Variants in LMO4 observed in about 807,000 individuals in gnomAD.
LMO4 encodes LIM domain transcription factor LMO4.
LMO4 carries 3 observed loss-of-function variants against 18.5 expected under a neutral mutation model. That is an observed-to-expected ratio of 0.16 (90% CI 0.07 to 0.42). LMO4 has a LOEUF of 0.42. Among genes scored for constraint, LMO4 ranks in the 10% least tolerant of loss-of-function variants. The probability of loss-of-function intolerance (pLI) is 0.99; values close to 1 mark genes in which losing one functional copy is unlikely to be tolerated. For missense variants in LMO4, 121 were observed against 219.9 expected, an observed-to-expected ratio of 0.55 and a Z score of 2.84; for synonymous variants, 100 against 88.1, an observed-to-expected ratio of 1.14 and a Z score of -0.76.
chr1:87,332,116 T>C lies in LMO4; in HGVS notation c.101T>C (p.Phe34Ser). 6.2e-7 allele frequency: 1 copy of C among 1,614,194 alleles called. No individual in the cohort carries two copies. Among genetic ancestry groups the C allele is most frequent in the Non-Finnish European group, 8.5e-7 (1 of 1,180,036 alleles). Reference sequence around the variant, plus strand: ...TGCGGGGGCAAGATTGCGGACCGCTTTCTGCTCTATGCCATGGACAGCTAT... The same window carrying C: ...TGCGGGGGCAAGATTGCGGACCGCTCTCTGCTCTATGCCATGGACAGCTAT... ...AGCGGKIADR[F>S]LLYAMDSYWH... is the part of the protein sequence containing the mutation. The change falls in exon 2 of 5, where the codon TTT becomes TCT. Residue 34 changes from phenylalanine (F) to serine (S), a missense_variant. Phe to Ser is a radical substitution (Grantham distance 155). Coordinates refer to ENST00000370544, the MANE Select transcript of LMO4 (RefSeq NM_006769.4).
At chr1:87,343,335 C>T (rs925575965) in intron 4 of LMO4, among the ~76,000 whole-genome samples, 1 of 152,118 alleles carries the variant, frequency 6.6e-6, no homozygotes, top group East Asian at 1.9e-4. Context: ...AATCTCAGGC[C>T]ACTAGTGTTC....
Position 87,340,295 on chromosome 1 carries a change from A to G in LMO4, c.489+93A>G. 5.2e-6 allele frequency: 6 copies of G among 1,164,280 alleles called. No individual in the cohort carries two copies. The South Asian group carries it at 8.2e-5, about 16-fold the overall frequency. The allele number at this position is 1,164,280 out of a possible 1,614,324, so 72.1% of individuals were successfully genotyped here. ...CAAGAGAGTTTTCTTGGGTGGTTGT[A>G]TTTTTGCATGCCCTTTTAAAGAAAT... On this transcript the variant is annotated intron_variant, in intron 4 of 4. Transcript: ENST00000370544.
chr1:87,340,082 C>G lies in LMO4; in HGVS notation c.369C>G (p.Val123=), dbSNP rs1261133305. ...GCTCTACCTGCCGGAATCGCCTGGT[C>G]CCGGGAGATCGGTTTCACTACATCA... The part of the protein sequence containing the change: ...FTCSTCRNRL[V]PGDRFHYING... Residue 123 remains valine, a synonymous_variant, in exon 4 of 5, where the codon GTC becomes GTG. Coordinates refer to ENST00000370544, the MANE Select transcript of LMO4 (RefSeq NM_006769.4). The G allele has an allele frequency of 6.2e-7, 1 of 1,614,104 alleles. No individual in the cohort carries two copies. Among genetic ancestry groups the G allele is most frequent in the South Asian group, 1.1e-5 (1 of 91,082 alleles).
Position 87,345,065 on chromosome 1 carries a change from G to C in LMO4, c.*269G>C. 1 of 376,878 alleles carries C rather than the reference G, an allele frequency of 2.7e-6. No individual in the cohort carries two copies. The highest frequency in any genetic ancestry group is 4.7e-6 in the Non-Finnish European group (1 of 211,508). 23.3% of individuals were successfully genotyped at this position (376,878 alleles called of 1,614,324 possible). On this transcript the variant is annotated 3_prime_UTR_variant, in exon 5 of 5. Coordinates refer to ENST00000370544, the MANE Select transcript of LMO4 (RefSeq NM_006769.4). ...ATCCACCAGAGGACATCTTGGGGAG[G>C]GGGAGGGAGCTGGGGGGGAGGGAAA...
intron 2 of LMO4, among the ~76,000 whole-genome samples, chr1:87,336,957 G>T (rs975387474): frequency 2.0e-5 from 3 of 151,382 alleles, no homozygotes; most frequent in Non-Finnish European, 4.4e-5. Flanking sequence ...ACTCTCCAGC[G>T]CACAGAAACG....
At chr1:87,331,934 C>T in intron 1 of LMO4, 79 bp from the exon 2 acceptor site, 2 of 1,184,924 alleles carry the variant, frequency 1.7e-6, no homozygotes, top group Non-Finnish European at 2.4e-6. Flanking sequence ...AATGGGCTTG[C>T]TCTCTCTCCG....
rs1372106082 is a variant in LMO4, at chr1:87,331,806, T to C, written c.-3-207T>C. 4 of 582,292 alleles carry C rather than the reference T, an allele frequency of 6.9e-6. No individual in the cohort carries two copies. In the East Asian group the frequency reaches 1.1e-4, roughly 16 times the overall value. 36.1% of individuals were successfully genotyped at this position (582,292 alleles called of 1,614,324 possible). ...GGAGCTCGTGGCCCCAGAACAAAGC[T>C]TGAGAAAAGTAAACAGGCGGCTGCT... On this transcript the variant is annotated intron_variant, in intron 1 of 4. Transcript: ENST00000370544.
intron 2 of LMO4, among the ~76,000 whole-genome samples, chr1:87,333,521 C>G (rs113714419): frequency 6.6e-6 from 1 of 152,142 alleles, no homozygotes; most frequent in African/African-American, 2.4e-5. Flanking sequence ...TGTAAAAGAT[C>G]CCAGTGCAGT....
At chr1:87,337,860 C>T (rs1404744192) in intron 2 of LMO4, among the ~76,000 whole-genome samples, 1 of 152,190 alleles carries the variant, frequency 6.6e-6, no homozygotes, top group Non-Finnish European at 1.5e-5. Flanking sequence ...CCCAGAGGCC[C>T]CCCAAGCTCC....
intron 2 of LMO4, among the ~76,000 whole-genome samples, chr1:87,339,002 ACATTATATAT>A (rs1332369728): frequency 6.6e-6 from 1 of 152,212 alleles, no homozygotes; most frequent in Non-Finnish European, 1.5e-5. Context: ...TAACCCATAC[ACATTATATAT>A]CAACCTGGAT....
At chr1:87,335,905 TA>T (rs1650297343) in intron 2 of LMO4, among the ~76,000 whole-genome samples, 1 of 151,964 alleles carries the variant, frequency 6.6e-6, no homozygotes, top group African/African-American at 2.4e-5. Flanking sequence ...AAAAATTAAT[TA>T]AATCGCATGC....
chr1:87,337,015 G>T (rs561540306), intron 2 of LMO4, among the ~76,000 whole-genome samples: 1 of 151,804 alleles, frequency 6.6e-6, no homozygotes, highest in African/African-American at 2.4e-5. Context: ...TTCAGAAAAA[G>T]GGTGGAATTC....
chr1:87,332,366 C>A, intron 2 of LMO4, 115 bp downstream of exon 2: 1 of 742,510 alleles, frequency 1.3e-6, no homozygotes. Context: ...GCCTTCACCT[C>A]AAAAATCTTC....
Position 87,340,184 on chromosome 1 carries a change from A to G in LMO4, c.471A>G (p.Pro157=), listed in dbSNP as rs142657223. Residue 157 remains proline, a synonymous_variant, in exon 4 of 5, where the codon CCA becomes CCG. Transcript: ENST00000370544. ...NGHLNSLQSN[P]LLPDQKVC ...ATTTGAATTCACTTCAGAGCAATCC[A>G]CTACTGCCAGACCAGAAGGTGAATA... 1.2e-4 allele frequency: 189 copies of G among 1,614,010 alleles called. No individual in the cohort carries two copies. Among genetic ancestry groups the G allele is most frequent in the Admixed American group, 3.2e-4 (19 of 59,966 alleles).
chr1:87,340,414 A>G (rs1212680635), intron 4 of LMO4, among the ~76,000 whole-genome samples: 1 of 152,232 alleles, frequency 6.6e-6, no homozygotes, highest in African/African-American at 2.4e-5. Flanking sequence ...TGACTTTGTT[A>G]TATCTGTAGC....
In LMO4 at chr1:87,348,380, T is replaced by G. The variant is rs1296031872; in HGVS notation, c.*3584T>G. ...TTAATGTTACTTATAGCTTTGTTACTAAGACTCACCTATTGTTAGTGCAGC... is the reference window on the plus strand; with the variant it reads ...TTAATGTTACTTATAGCTTTGTTACGAAGACTCACCTATTGTTAGTGCAGC... On this transcript the variant is annotated 3_prime_UTR_variant, in exon 5 of 5. Coordinates refer to ENST00000370544, the MANE Select transcript of LMO4 (RefSeq NM_006769.4). The G allele has an allele frequency of 3.8e-6, 1 of 263,266 alleles. No homozygotes were observed. Among genetic ancestry groups the G allele is most frequent in the African/African-American group, 2.2e-5 (1 of 45,654 alleles). 16.3% of individuals were successfully genotyped at this position (263,266 alleles called of 1,614,324 possible). A position where few individuals can be genotyped will look rare whatever the true frequency, so the allele number is the denominator to read the frequency against.
rs149593144 is a variant in LMO4, at chr1:87,347,219, C to G, written c.*2423C>G. On this transcript the variant is annotated 3_prime_UTR_variant, in exon 5 of 5. Transcript: ENST00000370544. ...ATCCACATGCAAGTGATGAAGCCTT[C>G]TCTTTGATGTGCTAAATTGGAGAAG... 6.6e-6 allele frequency: 1 copy of G among 152,168 alleles called. No homozygotes were observed. Among genetic ancestry groups the G allele is most frequent in the Admixed American group, 6.5e-5 (1 of 15,282 alleles). 9.4% of individuals were successfully genotyped at this position (152,168 alleles called of 1,614,324 possible).
Position 87,347,265 on chromosome 1 carries a change from T to G in LMO4, c.*2469T>G, listed in dbSNP as rs1650661579. The G allele has an allele frequency of 6.6e-6, 1 of 152,196 alleles. No individual in the cohort carries two copies. The highest frequency in any genetic ancestry group is 1.9e-4 in the East Asian group (1 of 5,194). The allele number at this position is 152,196 out of a possible 1,614,324, so 9.4% of individuals were successfully genotyped here. ...AGAAGGACTAATGGAGCTATGAATA[T>G]ACAATAGAACATATTTAAGTAGTAG... On this transcript the variant is annotated 3_prime_UTR_variant, in exon 5 of 5. Coordinates refer to ENST00000370544, the MANE Select transcript of LMO4 (RefSeq NM_006769.4).
chr1:87,330,004 CT>C (rs895271767), intron 1 of LMO4, among the ~76,000 whole-genome samples: 1,782 of 127,192 alleles, frequency 0.014, 27 homozygotes, highest in East Asian at 0.052. Context: ...TAAAAGCTTT[CT>C]TTTTTTTTTT....
Sources: allele counts gnomAD v4.1 joint callset (sites outside exome capture counted in the v4.1 genomes callset), GRCh38; gene constraint gnomAD v4.1.1; transcripts MANE v1.5; gene names NCBI Gene and HGNC (gene_info 2026-07-23, HGNC 2026-07-21).